Variants in FBN1 observed in about 807,000 individuals in gnomAD.
FBN1 encodes fibrillin 1, also known as fibrillin-1.
In FBN1, 29 loss-of-function variants were observed where a neutral mutation model predicts 365.1. The ratio of observed to expected loss-of-function variants is 0.08; its 90% CI spans 0.06 to 0.11. The LOEUF (loss-of-function observed/expected upper bound fraction) is 0.11, where lower values mean the gene tolerates loss of function less well. FBN1 is among the 10% of genes least tolerant of loss of function. FBN1 has a pLI of 1.00. For synonymous variants in FBN1, 1,210 were observed against 1,270.5 expected, an observed-to-expected ratio of 0.95 and a Z score of 1.01; for missense variants, 2,476 against 3,703.2, an observed-to-expected ratio of 0.67 and a Z score of 8.60.
intron 58 of FBN1, among the ~76,000 whole-genome samples, chr15:48,426,757 A>G (rs1170423356): frequency 6.6e-6 from 1 of 152,106 alleles, no homozygotes; most frequent in African/African-American, 2.4e-5. Context: ...TTTTTCGGCT[A>G]TCTTATTGCT....
intron 18 of FBN1, 52 bp from the exon 19 acceptor site, chr15:48,497,443 A>G (rs1237692117): frequency 1.3e-6 from 2 of 1,526,634 alleles, no homozygotes; most frequent in Admixed American, 3.4e-5. Context: ...TAAATACTGA[A>G]TGAATTGTTA....
chr15:48,453,915 C>G (rs183206367), intron 44 of FBN1, among the ~76,000 whole-genome samples: 429 of 152,104 alleles, frequency 2.8e-3, no homozygotes, highest in Non-Finnish European at 4.1e-3. Flanking sequence ...AAATGCAAGG[C>G]TTGATTTATG....
At position 48,452,906 on chromosome 15, in the gene FBN1, G is replaced by A. The variant is rs368611342; in HGVS notation, c.5423-222C>T. On this transcript the variant is annotated intron_variant, in intron 44 of 65. Coordinates refer to ENST00000316623, the MANE Select transcript of FBN1 (RefSeq NM_000138.5). ...TAAACTGTGGTACATTCAGACAATG[G>A]AATGTTACTTAGCACTAAAAAGAAA... Among the ~76,000 whole-genome samples the A allele has an allele frequency of 3.3e-5, 5 of 152,272 alleles. No homozygotes were observed. In the East Asian group the frequency reaches 7.7e-4, roughly 23 times the overall value.
intron 16 of FBN1, 135 bp downstream of exon 16, chr15:48,504,890 A>G: frequency 8.7e-7 from 1 of 1,144,950 alleles, no homozygotes; most frequent in Admixed American, 1.8e-5. Flanking sequence ...AAGAGAACTG[A>G]CCCTGTTGGT....
intron 17 of FBN1, 141 bp from the exon 18 acceptor site, chr15:48,499,179 G>A (rs2043634844): frequency 3.7e-6 from 3 of 816,512 alleles, no homozygotes; most frequent in Admixed American, 1.9e-5. Context: ...ATCTCCCCAG[G>A]GAGTCACCTT....
chr15:48,640,531 C>T (rs1597649826), intron 2 of FBN1, among the ~76,000 whole-genome samples: 2 of 152,258 alleles, frequency 1.3e-5, no homozygotes, highest in South Asian at 4.1e-4. Flanking sequence ...TAATAACAGA[C>T]TTCTACATAA....
chr15:48,529,862 CG>C lies in FBN1; in HGVS notation c.863-3608del, dbSNP rs2043953140. On this transcript the variant is annotated intron_variant, in intron 8 of 65. Coordinates refer to ENST00000316623, the MANE Select transcript of FBN1 (RefSeq NM_000138.5). ...TTTTATCCATGCTGCATCCGCCGCC[CG>C]ATCACAACTTGAAAATGGAGTCTGA... 1.4e-5 allele frequency: 2 copies of C among 143,934 alleles called. 1 individual carries two copies. Among genetic ancestry groups the C allele is most frequent in the African/African-American group, 5.2e-5 (2 of 38,298 alleles). 8.9% of individuals were successfully genotyped at this position (143,934 alleles called of 1,614,324 possible).
intron 6 of FBN1, among the ~76,000 whole-genome samples, chr15:48,541,122 C>G (rs1304581806): frequency 1.3e-5 from 2 of 151,840 alleles, no homozygotes; most frequent in African/African-American, 4.8e-5. Flanking sequence ...AAAAAAAACC[C>G]CTTAAGACTT....
chr15:48,554,417 G>C (rs2044164615), intron 6 of FBN1, among the ~76,000 whole-genome samples: 1 of 152,102 alleles, frequency 6.6e-6, no homozygotes, highest in Non-Finnish European at 1.5e-5. Context: ...GTGCAGTGTT[G>C]GAGTGTTGTT....
rs144108091 is a variant in FBN1, at chr15:48,586,652, A to G, written c.538+9631T>C. Among the ~76,000 whole-genome samples, 589 of 152,332 alleles carry G rather than the reference A, an allele frequency of 3.9e-3. 7 individuals are homozygous for G. Among genetic ancestry groups the G allele is most frequent in the African/African-American group, 0.014 (564 of 41,574 alleles). On this transcript the variant is annotated intron_variant, in intron 6 of 65. Coordinates refer to ENST00000316623, the MANE Select transcript of FBN1 (RefSeq NM_000138.5). ...CCAAACCCCAAAGGATGAGTGTCTC[A>G]TGCTGTGTTTAAATTTATGGTCAAA...
intron 10 of FBN1, among the ~76,000 whole-genome samples, chr15:48,518,150 T>C (rs1245148369): frequency 1.3e-5 from 2 of 152,252 alleles, no homozygotes; most frequent in East Asian, 3.8e-4. Context: ...AGGAATTCTA[T>C]GTTGTTCATG....
intron 6 of FBN1, among the ~76,000 whole-genome samples, chr15:48,577,835 G>A (rs925078344): frequency 2.6e-5 from 4 of 152,050 alleles, no homozygotes; most frequent in South Asian, 2.1e-4. Flanking sequence ...TTTTTGCAAC[G>A]CCTTCCTACA....
At chr15:48,602,605 A>T (rs1035551429) in intron 4 of FBN1, among the ~76,000 whole-genome samples, 3 of 152,176 alleles carry the variant, frequency 2.0e-5, no homozygotes, top group Non-Finnish European at 2.9e-5. Flanking sequence ...AAATATTTTT[A>T]TCTTTGTTTC....
chr15:48,413,188 C>T (rs1429848697), intron 64 of FBN1, among the ~76,000 whole-genome samples: 1 of 152,172 alleles, frequency 6.6e-6, no homozygotes, highest in African/African-American at 2.4e-5. Context: ...TGCATTCTCC[C>T]ACTTCCATCA....
chr15:48,630,345 A>G (rs1889961173), intron 2 of FBN1, among the ~76,000 whole-genome samples: 1 of 152,202 alleles, frequency 6.6e-6, no homozygotes, highest in African/African-American at 2.4e-5. Flanking sequence ...GAGGGAGGAA[A>G]TCATTTAGCA....
chr15:48,433,128 C>A, intron 54 of FBN1, 140 bp from the exon 55 acceptor site: 1 of 842,292 alleles, frequency 1.2e-6, no homozygotes, highest in Non-Finnish European at 1.9e-6. Context: ...AGTGGTCTCC[C>A]ATTTCCCGGA....
intron 11 of FBN1, 67 bp from the exon 12 acceptor site, chr15:48,515,594 A>C: frequency 1.3e-6 from 2 of 1,578,430 alleles, no homozygotes; most frequent in Non-Finnish European, 1.7e-6. Context: ...ACTTAATCTG[A>C]CAATAATGAA....
At chr15:48,596,250 T>A (rs763758189) in intron 6 of FBN1, 33 bp downstream of exon 6, 1 of 1,583,924 alleles carries the variant, frequency 6.3e-7, no homozygotes, top group Non-Finnish European at 8.7e-7. Context: ...GGTACCAGCA[T>A]GTCTTTACGT....
Position 48,510,153 on chromosome 15 carries a change from T to C in FBN1, c.1605A>G (p.Leu535=), listed in dbSNP as rs778013543. 9 of 1,613,386 alleles carry C rather than the reference T, an allele frequency of 5.6e-6. No homozygotes were observed. Among genetic ancestry groups the C allele is most frequent in the African/African-American group, 1.3e-5 (1 of 75,002 alleles). The change falls in exon 14 of 66, where the codon TTA becomes TTG. Residue 535 remains leucine, a synonymous_variant. Coordinates refer to ENST00000316623, the MANE Select transcript of FBN1 (RefSeq NM_000138.5). ...RTECRDIDEC[L]QNGRICNNGR... ...CATTATTGCAGATCCGGCCATTCTG[T>C]AAACACTCATCAATGTCTAAAATCA...
Sources: allele counts gnomAD v4.1 joint callset (sites outside exome capture counted in the v4.1 genomes callset), GRCh38; gene constraint gnomAD v4.1.1; transcripts MANE v1.5; gene names NCBI Gene and HGNC (gene_info 2026-07-23, HGNC 2026-07-21).